The following ATP2B2 variants were observed in gnomAD, a reference collection of about 807,000 sequenced individuals.
ATP2B2 encodes the protein plasma membrane calcium-transporting ATPase 2.
ATP2B2 carries 15 observed loss-of-function variants against 120.0 expected under a neutral mutation model. The ratio of observed to expected loss-of-function variants is 0.12; its 90% CI spans 0.08 to 0.19. ATP2B2 has a LOEUF of 0.19. ATP2B2 is among the 10% of genes least tolerant of loss of function. ATP2B2 has a pLI of 1.00. For missense variants in ATP2B2, 1,045 were observed against 1,719.8 expected (o/e 0.61, Z 6.94); for synonymous variants, 694 against 700.3 (o/e 0.99, Z 0.14).
intron 1 of ATP2B2, among the ~76,000 whole-genome samples, chr3:10,685,949 T>G (rs1418180894): frequency 6.6e-6 from 1 of 152,168 alleles, no homozygotes; most frequent in Non-Finnish European, 1.5e-5. Flanking sequence ...GTGACTGTTT[T>G]AATGTGTCTC....
chr3:10,363,163 G>A (rs779382896), intron 12 of ATP2B2, among the ~76,000 whole-genome samples: 22 of 152,128 alleles, frequency 1.4e-4, no homozygotes, highest in Non-Finnish European at 2.8e-4. Flanking sequence ...TGCCTCCTCC[G>A]TAATTCAGTT....
intron 1 of ATP2B2, among the ~76,000 whole-genome samples, chr3:10,464,240 T>A (rs371548386): frequency 6.6e-6 from 1 of 152,036 alleles, no homozygotes; most frequent in South Asian, 2.1e-4. Flanking sequence ...CGCAGCCGAG[T>A]CCTCGCGACA....
rs141523465 is a variant in ATP2B2 at position 10,594,077 on chromosome 3, G to A, written c.-415+25840C>T. Among the ~76,000 whole-genome samples the A allele has an allele frequency of 5.2e-3, 793 of 152,340 alleles. 2 individuals are homozygous for A. Among genetic ancestry groups the A allele is most frequent in the Non-Finnish European group, 8.0e-3 (547 of 68,028 alleles). ...AAAAGTCAGGAAACAACAGATGCTG[G>A]AGAGGATGTGGAGAAATAGGAACAC... On this transcript the variant is annotated intron_variant, in intron 2 of 21. Coordinates refer to the ATP2B2 transcript ENST00000646379.
chr3:10,574,336 G>A (rs948024827), intron 2 of ATP2B2, among the ~76,000 whole-genome samples: 1 of 152,154 alleles, frequency 6.6e-6, no homozygotes, highest in Non-Finnish European at 1.5e-5. Context: ...GCTGTGCCCC[G>A]GGAGGCCCCC....
intron 22 of ATP2B2, chr3:10,336,188 C>A: frequency 2.6e-6 from 4 of 1,550,680 alleles, no homozygotes; most frequent in Non-Finnish European, 3.5e-6. Context: ...CAACGACACG[C>A]GACTAGGGCT....
At chr3:10,649,669 T>C (rs114848313) in intron 1 of ATP2B2, among the ~76,000 whole-genome samples, 3,476 of 152,242 alleles carry the variant, frequency 0.023, 66 homozygotes, top group South Asian at 0.086. Flanking sequence ...GATGGTGATA[T>C]GGTTTGGCTG....
At chr3:10,410,568 T>A in intron 3 of ATP2B2, 50 bp downstream of exon 3, 1 of 1,538,502 alleles carries the variant, frequency 6.5e-7, no homozygotes, top group African/African-American at 1.4e-5. Flanking sequence ...CCAGCGTGGA[T>A]GCGGTGGCCA....
intron 1 of ATP2B2, among the ~76,000 whole-genome samples, chr3:10,636,242 G>C (rs1278012322): frequency 6.6e-6 from 1 of 152,158 alleles, no homozygotes; most frequent in Non-Finnish European, 1.5e-5. Flanking sequence ...TCCTGCCTCA[G>C]AGTGCTAGGG....
chr3:10,666,168 G>A (rs1194858241), intron 1 of ATP2B2, among the ~76,000 whole-genome samples: 1 of 152,150 alleles, frequency 6.6e-6, no homozygotes, highest in East Asian at 1.9e-4. Context: ...TAACTCAGAA[G>A]TGCTATCGGT....
intron 1 of ATP2B2, among the ~76,000 whole-genome samples, chr3:10,467,948 G>A (rs1280869206): frequency 6.6e-6 from 1 of 152,192 alleles, no homozygotes; most frequent in Non-Finnish European, 1.5e-5. Flanking sequence ...AGGGAGGTGG[G>A]ATGACTGGCC....
upstream of ATP2B2, among the ~76,000 whole-genome samples, chr3:10,510,054 C>T (rs891113978): frequency 7.9e-5 from 12 of 152,202 alleles, no homozygotes; most frequent in Non-Finnish European, 2.9e-5. Context: ...GAGTAGGTGG[C>T]TTCCAACTCC....
At chr3:10,569,034 C>G (rs2068068772) in intron 2 of ATP2B2, among the ~76,000 whole-genome samples, 3 of 152,224 alleles carry the variant, frequency 2.0e-5, no homozygotes, top group African/African-American at 7.2e-5. Context: ...GGATCCTCCT[C>G]TTAACCCTGG....
At chr3:10,367,785 G>C (rs1383474729) in intron 12 of ATP2B2, among the ~76,000 whole-genome samples, 1 of 152,228 alleles carries the variant, frequency 6.6e-6, no homozygotes, top group Non-Finnish European at 1.5e-5. Context: ...TCTACGCATT[G>C]GGGTGTGGTG....
chr3:10,331,712 A>ATTTTTTTTTTTTTTT (rs34633808), intron 22 of ATP2B2, among the ~76,000 whole-genome samples: 1 of 143,508 alleles, frequency 7.0e-6, no homozygotes, highest in African/African-American at 2.6e-5. Context: ...AAAGGTAGGA[A>ATTTTTTTTTTTTTTT]TTTTTTTTTT....
upstream of ATP2B2, among the ~76,000 whole-genome samples, chr3:10,505,836 G>C (rs1156308677): frequency 6.6e-6 from 1 of 151,226 alleles, no homozygotes; most frequent in Admixed American, 6.6e-5. Context: ...GCTGTTGTTT[G>C]CGGTTTTAAT....
At chr3:10,633,638 C>G (rs949548721) in intron 1 of ATP2B2, among the ~76,000 whole-genome samples, 2 of 152,164 alleles carry the variant, frequency 1.3e-5, no homozygotes, top group African/African-American at 2.4e-5. Context: ...CAAGGGAGAA[C>G]AGTATGCAAG....
At chr3:10,630,330 C>T (rs2069827782) in intron 1 of ATP2B2, among the ~76,000 whole-genome samples, 1 of 152,108 alleles carries the variant, frequency 6.6e-6, no homozygotes, top group South Asian at 2.1e-4. Context: ...TTCCACCCAC[C>T]AAGAGGTCCC....
chr3:10,479,650 C>G (rs1050881476), intron 1 of ATP2B2, among the ~76,000 whole-genome samples: 1 of 152,150 alleles, frequency 6.6e-6, no homozygotes, highest in Admixed American at 6.5e-5. Context: ...TACTTACTGT[C>G]TGTCTCCTTT....
chr3:10,396,254 A>G (rs2062032406), intron 5 of ATP2B2, among the ~76,000 whole-genome samples: 1 of 152,260 alleles, frequency 6.6e-6, no homozygotes, highest in Non-Finnish European at 1.5e-5. Context: ...ACACGTGTGC[A>G]TGCCTGTGGT....
Sources: gnomAD v4.1 joint callset for allele counts (sites outside exome capture counted in the v4.1 genomes callset) on GRCh38, gnomAD v4.1.1 for gene constraint, MANE v1.5 for transcripts, NCBI Gene and HGNC (gene_info 2026-07-23, HGNC 2026-07-21) for gene names.